Variants in ESPNL observed in about 807,000 individuals in gnomAD.
The protein encoded by ESPNL is espin-like protein.
ESPNL carries 49 observed loss-of-function variants against 46.8 expected under a neutral mutation model. The observed-to-expected ratio is 1.05, with a 90% CI of 0.83 to 1.33. The LOEUF (loss-of-function observed/expected upper bound fraction) is 1.33, where lower values mean the gene tolerates loss of function less well. Ranked by LOEUF, ESPNL falls within the 40% of genes most tolerant of loss-of-function variation. ESPNL has a pLI of 0.00. For synonymous variants in ESPNL, 664 were observed against 662.1 expected (o/e 1.00, Z -0.04); for missense variants, 1,540 against 1,436.6 (o/e 1.07, Z -1.16).
chr2:238,100,926 T>C (rs751641278), intron 1 of ESPNL, among the ~76,000 whole-genome samples: 3 of 152,212 alleles, frequency 2.0e-5, no homozygotes, highest in Non-Finnish European at 2.9e-5. Flanking sequence ...TAAATTTTCT[T>C]ATCACCTTCC....
In ESPNL at chr2:238,130,498, A is replaced by G; in HGVS notation, c.1784A>G (p.His595Arg). The G allele has an allele frequency of 1.3e-6, 2 of 1,598,494 alleles. No homozygotes were observed. ...GVQPLPFWCS[H>R]ISRLVRSLSL... ...CAGCCCCTGCCCTTCTGGTGCAGCCACATCTCCCGCCTGGTACGCAGCCTG... is the reference window on the plus strand; with the variant it reads ...CAGCCCCTGCCCTTCTGGTGCAGCCGCATCTCCCGCCTGGTACGCAGCCTG... Residue 595 changes from histidine to arginine, a missense_variant, in exon 9 of 9, where the codon CAC (histidine) becomes CGC (arginine). By Grantham distance (29) the His-to-Arg change is conservative. Coordinates refer to ENST00000343063, the MANE Select transcript of ESPNL (RefSeq NM_194312.4).
At position 238,114,504 on chromosome 2, in the gene ESPNL, G is replaced by T. The variant is rs917385197; in HGVS notation, c.856-2399G>T. On this transcript the variant is annotated intron_variant, in intron 4 of 8. Transcript: ENST00000343063. The surrounding 1 kb of genome is among the most constrained non-coding windows in gnomAD (Gnocchi z 5.0). ...TCCGGGAGCAGTGCCTCTCTCCAGC[G>T]ACTGGCTTCAGCGACCTGCCCCAGC... 1.3e-5 allele frequency among the ~76,000 whole-genome samples: 2 copies of T among 152,052 alleles called. No individual in the cohort carries two copies. Among genetic ancestry groups the T allele is most frequent in the Admixed American group, 6.5e-5 (1 of 15,284 alleles).
chr2:238,125,625 G>C lies in ESPNL; in HGVS notation c.1102+241G>C, dbSNP rs992288211. ...AGCAACTTATCCAGGGGTAAAAGCG[G>C]GGAGACGGGCCGGTTGGGCCCAGGC... On this transcript the variant is annotated intron_variant, in intron 6 of 8. Transcript: ENST00000343063. 2.6e-5 allele frequency among the ~76,000 whole-genome samples: 4 copies of C among 152,270 alleles called. No homozygotes were observed. In the South Asian group the frequency reaches 6.2e-4, roughly 24 times the overall value.
In ESPNL at chr2:238,100,642, C is replaced by T; in HGVS notation, c.223C>T (p.His75Tyr). The change falls in exon 1 of 9, where the codon CAT becomes TAT. Residue 75 changes from histidine to tyrosine, a missense_variant. Coordinates refer to ENST00000343063, the MANE Select transcript of ESPNL (RefSeq NM_194312.4). Reference sequence around the variant, plus strand: ...GGCCCACAACGGGGCCACCCCAGCGCATGACGCCGCTGCCACGGGCAGCCT... The same window carrying T: ...GGCCCACAACGGGGCCACCCCAGCGTATGACGCCGCTGCCACGGGCAGCCT... ...QRAHNGATPA[H>Y]DAAATGSLAE... is the part of the protein sequence containing the mutation. The T allele has an allele frequency of 6.9e-7, 1 of 1,453,720 alleles. No individual in the cohort carries two copies. Among genetic ancestry groups the T allele is most frequent in the South Asian group, 1.4e-5 (1 of 69,286 alleles). 90.1% of individuals were successfully genotyped at this position (1,453,720 alleles called of 1,614,324 possible). A position where few individuals can be genotyped will look rare whatever the true frequency, so the allele number is the denominator to read the frequency against.
rs1490567676 is a variant in ESPNL at position 238,118,177 on chromosome 2, A to C, written c.987+1143A>C. On this transcript the variant is annotated intron_variant, in intron 5 of 8. Coordinates refer to ENST00000343063, the MANE Select transcript of ESPNL (RefSeq NM_194312.4). ...TGGATGGAGGAGGAATGGATGGAGG[A>C]ATGGATGGTGGAGGATGGTTGGAGG... Among the ~76,000 whole-genome samples the C allele has an allele frequency of 3.6e-5, 4 of 112,334 alleles. No homozygotes were observed. The South Asian group carries it at 1.0e-3, about 28-fold the overall frequency. The allele number at this position is 112,334 out of a possible 152,430, so 73.7% of individuals were successfully genotyped here.
chr2:238,128,178 T>C (rs961457305), intron 7 of ESPNL, among the ~76,000 whole-genome samples: 20 of 152,126 alleles, frequency 1.3e-4, no homozygotes, highest in Non-Finnish European at 1.6e-4. Context: ...CGCCGGGCCC[T>C]TAGAAAGCCA....
chr2:238,100,524 G>T lies in ESPNL; in HGVS notation c.105G>T (p.Leu35=), dbSNP rs1457999091. 6.3e-7 allele frequency: 1 copy of T among 1,595,864 alleles called. No individual in the cohort carries two copies. Among genetic ancestry groups the T allele is most frequent in the East Asian group, 2.3e-5 (1 of 44,122 alleles). The change falls in exon 1 of 9, where the codon CTG becomes CTT. Residue 35 remains leucine (L), a synonymous_variant. Transcript: ENST00000343063. ...GALGPGITDA[L]GAGLVHHATR... Reference sequence around the variant, plus strand: ...TGGGCCCGGGCATCACCGATGCTCTGGGGGCCGGCCTGGTTCACCACGCCA... The same window carrying T: ...TGGGCCCGGGCATCACCGATGCTCTTGGGGCCGGCCTGGTTCACCACGCCA...
chr2:238,108,294 C>G (rs1477843444), intron 4 of ESPNL, among the ~76,000 whole-genome samples: 1 of 152,230 alleles, frequency 6.6e-6, no homozygotes, highest in Non-Finnish European at 1.5e-5. Context: ...TGTGAGCAGC[C>G]TGCGAGTAGA....
At chr2:238,128,593 G>A (rs1692196005) in intron 7 of ESPNL, 114 bp from the exon 8 acceptor site, 6 of 959,918 alleles carry the variant, frequency 6.3e-6, no homozygotes, top group South Asian at 3.2e-5. Context: ...TCCTCTCAGG[G>A]CGCCCTGTTA....
At position 238,130,132 on chromosome 2, in the gene ESPNL, A is replaced by G; in HGVS notation, c.1418A>G (p.Asn473Ser). Residue 473 changes from asparagine to serine, a missense_variant, in exon 9 of 9, where the codon AAT becomes AGT. Physicochemically the swap from Asn to Ser is conservative, Grantham distance 46. Transcript: ENST00000343063. ...CCCTGCCCTTCCTGTGCCCAGGACA[A>G]TGGTGGGAGCTCAGGCCCCACGGAG... is the stretch of plus-strand genomic sequence containing the variant. ...GAESSAEAQD[N>S]GGSSGPTEQA... 6.2e-7 allele frequency: 1 copy of G among 1,609,122 alleles called. No homozygotes were observed.
chr2:238,127,581 A>AGCCCTT (rs1559267472), intron 6 of ESPNL, 41 bp from the exon 7 acceptor site: 2 of 1,547,410 alleles, frequency 1.3e-6, no homozygotes, highest in South Asian at 2.4e-5. Context: ...TCTGCTCCCC[A>AGCCCTT]GCCCTTGCCC....
Position 238,104,794 on chromosome 2 carries a change from C to T in ESPNL, c.624C>T (p.Ala208=). 6.3e-7 allele frequency: 1 copy of T among 1,577,516 alleles called. No homozygotes were observed. Among genetic ancestry groups the T allele is most frequent in the Non-Finnish European group, 8.6e-7 (1 of 1,163,662 alleles). ...VHLRALDGMS[A]LHAAAARGHY... is the part of the protein sequence containing the mutation. ...TTCGTGCTCTCGATGGCATGAGCGC[C>T]CTGCACGCTGCCGCCGCCCGTGGCC... The change falls in exon 3 of 9, where the codon GCC becomes GCT. Residue 208 remains alanine (A), a synonymous_variant. Transcript: ENST00000343063.
rs776372751 is a variant in ESPNL at position 238,125,235 on chromosome 2, G to A, written c.988-35G>A. On this transcript the variant is annotated intron_variant, in intron 5 of 8. Coordinates refer to ENST00000343063, the MANE Select transcript of ESPNL (RefSeq NM_194312.4). ...CTAGGTGAGCAGGGAAGAGCCCACG[G>A]GGGTCCCCCACTGACCAGGCCCATT... 5 of 1,060,154 alleles carry A rather than the reference G, an allele frequency of 4.7e-6. No individual in the cohort carries two copies. The African/African-American group carries it at 6.5e-5, about 14-fold the overall frequency. 65.7% of individuals were successfully genotyped at this position (1,060,154 alleles called of 1,614,324 possible).
intron 4 of ESPNL, among the ~76,000 whole-genome samples, chr2:238,111,876 T>A (rs1321414051): frequency 1.3e-5 from 2 of 152,242 alleles, no homozygotes; most frequent in Non-Finnish European, 2.9e-5. Context: ...AAATTCAACA[T>A]GACATATTAT....
At chr2:238,104,177 G>A (rs1454580013) in intron 2 of ESPNL, among the ~76,000 whole-genome samples, 1 of 152,164 alleles carries the variant, frequency 6.6e-6, no homozygotes, top group African/African-American at 2.4e-5. Context: ...TGGCGGGAAA[G>A]CAGGCACGAG....
At chr2:238,129,029 G>A in intron 8 of ESPNL, 125 bp downstream of exon 8, 1 of 1,436,098 alleles carries the variant, frequency 7.0e-7, no homozygotes, top group Non-Finnish European at 9.1e-7. Flanking sequence ...TCTCCTCTGT[G>A]GCCTCAGCTG....
chr2:238,123,871 G>T (rs188494248), intron 5 of ESPNL, among the ~76,000 whole-genome samples: 1 of 152,116 alleles, frequency 6.6e-6, no homozygotes. Flanking sequence ...TCCCTTCCCC[G>T]TGGCCCAGTG....
At position 238,102,072 on chromosome 2, in the gene ESPNL, C is replaced by T. The variant is rs746410411; in HGVS notation, c.426C>T (p.His142=). 3 of 1,586,952 alleles carry T rather than the reference C, an allele frequency of 1.9e-6. No individual in the cohort carries two copies. Among genetic ancestry groups the T allele is most frequent in the Non-Finnish European group, 2.6e-6 (3 of 1,169,060 alleles). Residue 142 remains histidine (H), a synonymous_variant, in exon 2 of 9, where the codon CAC becomes CAT. Coordinates refer to ENST00000343063, the MANE Select transcript of ESPNL (RefSeq NM_194312.4). ...LETREGARPL[H]HAAVSGDLTC... is the part of the protein sequence containing the mutation. ...CCCGGGAGGGAGCCCGGCCGCTGCA[C>T]CACGCTGCCGTCAGTGGGGACCTGA...
chr2:238,117,068 A>G (rs928252998), intron 5 of ESPNL, 34 bp downstream of exon 5: 2 of 1,585,938 alleles, frequency 1.3e-6, no homozygotes, highest in South Asian at 1.1e-5. Context: ...CCCTGGAGGC[A>G]TGGGGGGTGG....
Sources: allele counts gnomAD v4.1 joint callset (sites outside exome capture counted in the v4.1 genomes callset), GRCh38; gene constraint gnomAD v4.1.1; non-coding constraint Gnocchi (gnomAD v3.1); transcripts MANE v1.5; gene names NCBI Gene and HGNC (gene_info 2026-07-23, HGNC 2026-07-21).